SMAD1: variants seen among roughly 807,000 people sequenced by gnomAD.
The protein encoded by SMAD1 is SMAD family member 1, also known as MAD, mothers against decapentaplegic homolog 1.
SMAD1 carries 6 observed loss-of-function variants against 41.6 expected under a neutral mutation model. That is an observed-to-expected ratio of 0.14 (90% CI 0.08 to 0.28). The LOEUF is 0.28. SMAD1 is among the 10% of genes least tolerant of loss of function. The probability of loss-of-function intolerance (pLI) is 1.00; values close to 1 mark genes in which losing one functional copy is unlikely to be tolerated. For missense variants in SMAD1, 379 were observed against 582.6 expected, an observed-to-expected ratio of 0.65 and a Z score of 3.60; for synonymous variants, 206 against 203.2, an observed-to-expected ratio of 1.01 and a Z score of -0.12.
Position 145,493,436 on chromosome 4 carries a change from GTGTTTA to G in SMAD1, c.-177+11404_-177+11409del, listed in dbSNP as rs550680866. On this transcript the variant is annotated intron_variant, in intron 1 of 6. Coordinates refer to ENST00000302085, the MANE Select transcript of SMAD1 (RefSeq NM_005900.3). ...TAATAACAACCTCTTTATTTTTCAT[GTGTTTA>G]TGTTTGTGTGCTCAGGGCTTCTATT... is the stretch of plus-strand genomic sequence containing the variant. Among the ~76,000 whole-genome samples the G allele has an allele frequency of 8.9e-4, 135 of 152,204 alleles. 4 individuals carry two copies. In the South Asian group the frequency reaches 0.027, roughly 30 times the overall value.
At chr4:145,481,441 G>C (rs1479640479), upstream of SMAD1, 1 of 152,222 alleles carries the variant, frequency 6.6e-6, no homozygotes, top group Admixed American at 6.5e-5. Context: ...GAACGATTCA[G>C]TGGGCGCGGT....
At chr4:145,513,192 A>G (rs1414149031) in intron 1 of SMAD1, 1 of 152,230 alleles carries the variant, frequency 6.6e-6, no homozygotes, top group Non-Finnish European at 1.5e-5. Flanking sequence ...CCCTGGAAAG[A>G]GTGGTGACGA....
At chr4:145,508,206 C>T (rs1164324526) in intron 1 of SMAD1, among the ~76,000 whole-genome samples, 3 of 151,872 alleles carry the variant, frequency 2.0e-5, no homozygotes, top group African/African-American at 7.3e-5. Context: ...TCCACTTGTC[C>T]ATATGATAAG....
At chr4:145,503,677 A>G (rs143200844) in intron 1 of SMAD1, among the ~76,000 whole-genome samples, 1,781 of 152,258 alleles carry the variant, frequency 0.012, 24 homozygotes, top group Non-Finnish European at 0.016. Context: ...ATTCAATGCC[A>G]TTTCCTTATA....
At chr4:145,534,426 G>C (rs1376262316) in intron 2 of SMAD1, among the ~76,000 whole-genome samples, 1 of 152,178 alleles carries the variant, frequency 6.6e-6, no homozygotes, top group East Asian at 1.9e-4. Flanking sequence ...GGTAAACAAG[G>C]TGATAACTGA....
At chr4:145,533,968 C>T (rs752800339) in intron 2 of SMAD1, among the ~76,000 whole-genome samples, 4 of 152,008 alleles carry the variant, frequency 2.6e-5, no homozygotes, top group Non-Finnish European at 5.9e-5. Context: ...GGAGATAGGG[C>T]CTTTAAAAGA....
chr4:145,536,942 A>C (rs567951564), intron 2 of SMAD1, among the ~76,000 whole-genome samples: 2 of 152,184 alleles, frequency 1.3e-5, no homozygotes, highest in Non-Finnish European at 2.9e-5. Flanking sequence ...CCAACCAAAA[A>C]TCTCAGAGTT....
chr4:145,532,820 A>G (rs764031749), intron 2 of SMAD1, among the ~76,000 whole-genome samples: 4 of 152,148 alleles, frequency 2.6e-5, no homozygotes, highest in African/African-American at 4.8e-5. Context: ...CTCCCTTCCT[A>G]TTGGTGATCT....
chr4:145,511,815 G>C (rs951566611), intron 1 of SMAD1, among the ~76,000 whole-genome samples: 1 of 152,138 alleles, frequency 6.6e-6, no homozygotes, highest in Non-Finnish European at 1.5e-5. Flanking sequence ...TGTGAAGTCA[G>C]TATTCATTTA....
intron 2 of SMAD1, among the ~76,000 whole-genome samples, chr4:145,531,344 G>A (rs950989607): frequency 6.6e-6 from 1 of 152,106 alleles, no homozygotes; most frequent in African/African-American, 2.4e-5. Context: ...ACTCTACTGG[G>A]GACATCTGTC....
intron 2 of SMAD1, among the ~76,000 whole-genome samples, chr4:145,530,396 C>T (rs1159392494): frequency 6.6e-6 from 1 of 152,080 alleles, no homozygotes; most frequent in Non-Finnish European, 1.5e-5. Context: ...GGAATCTGAA[C>T]TAGGTTATGG....
Position 145,488,166 on chromosome 4 carries a change from T to G in SMAD1, c.-177+6128T>G, listed in dbSNP as rs2126932829. ...CCTAGGTTTGCAGTATAGATTGGTT[T>G]CTTAACAAATATTTTTTTTGAGACA... On this transcript the variant is annotated intron_variant, in intron 1 of 6. Coordinates refer to ENST00000302085, the MANE Select transcript of SMAD1 (RefSeq NM_005900.3). Among the ~76,000 whole-genome samples the G allele has an allele frequency of 1.3e-5, 2 of 152,224 alleles. 1 individual carries two copies. The highest frequency in any genetic ancestry group is 4.1e-4 in the South Asian group (2 of 4,822).
chr4:145,491,402 G>A (rs567199693), intron 1 of SMAD1, among the ~76,000 whole-genome samples: 2 of 152,312 alleles, frequency 1.3e-5, no homozygotes, highest in Middle Eastern at 6.8e-3. Flanking sequence ...CTGCACTCCA[G>A]TCTGGGCAAC....
chr4:145,545,775 G>C (rs1732220198), intron 4 of SMAD1: 1 of 151,956 alleles, frequency 6.6e-6, no homozygotes, highest in Admixed American at 6.6e-5. Context: ...ATTATATATT[G>C]GTATGCTGGA....
upstream of SMAD1, chr4:145,481,156 A>C (rs1281241626): frequency 6.6e-6 from 1 of 152,174 alleles, no homozygotes; most frequent in Admixed American, 6.5e-5. Context: ...TGGACCAAAA[A>C]TGTGGAGTTC....
Position 145,540,064 on chromosome 4 carries a change from A to G in SMAD1, c.658+3A>G. 1 of 1,613,984 alleles carries G rather than the reference A, an allele frequency of 6.2e-7. No homozygotes were observed. Among genetic ancestry groups the G allele is most frequent in the East Asian group, 2.2e-5 (1 of 44,882 alleles). On this transcript the variant is annotated splice_donor_region_variant and intron_variant, in intron 3 of 6. Coordinates refer to ENST00000302085, the MANE Select transcript of SMAD1 (RefSeq NM_005900.3). ...AGGAAGCCCTTTCCAGATGCCAGGT[A>G]GGTTGGAATGTTCAGTGATGTTCTG...
intron 2 of SMAD1, among the ~76,000 whole-genome samples, chr4:145,527,967 C>T (rs1306611530): frequency 6.6e-6 from 1 of 151,684 alleles, no homozygotes; most frequent in Non-Finnish European, 1.5e-5. Flanking sequence ...GCCCCGGCCC[C>T]GGCCCTGGGT....
chr4:145,506,616 G>A (rs557178392), intron 1 of SMAD1, among the ~76,000 whole-genome samples: 2 of 152,106 alleles, frequency 1.3e-5, no homozygotes, highest in Non-Finnish European at 2.9e-5. Flanking sequence ...TTTTATTAAA[G>A]GGGGTTGTAA....
intron 2 of SMAD1, among the ~76,000 whole-genome samples, chr4:145,537,648 A>G (rs1731690464): frequency 6.6e-6 from 1 of 152,154 alleles, no homozygotes; most frequent in Admixed American, 6.5e-5. Flanking sequence ...TTATATATAT[A>G]ACAAGATGCT....
Sources: allele counts gnomAD v4.1 joint callset (sites outside exome capture counted in the v4.1 genomes callset), GRCh38; gene constraint gnomAD v4.1.1; transcripts MANE v1.5; gene names NCBI Gene and HGNC (gene_info 2026-07-23, HGNC 2026-07-21).